Variants in MED23 observed in about 807,000 individuals in gnomAD.
MED23 encodes mediator complex subunit 23, also known as mediator of RNA polymerase II transcription subunit 23.
A neutral mutation model predicts 163.9 loss-of-function variants in MED23; 105 were observed. That is an observed-to-expected ratio of 0.64 (90% CI 0.55 to 0.75). The LOEUF is 0.75. Among genes scored for constraint, MED23 ranks in the 30% least tolerant of loss-of-function variants. The probability of loss-of-function intolerance (pLI) is 0.00; values close to 1 mark genes in which losing one functional copy is unlikely to be tolerated. For synonymous variants in MED23, 561 were observed against 565.6 expected, an observed-to-expected ratio of 0.99 and a Z score of 0.12; for missense variants, 1,054 against 1,649.0, an observed-to-expected ratio of 0.64 and a Z score of 6.25.
Position 131,610,238 on chromosome 6 carries a change from C to A in MED23, c.885G>T (p.Gln295His). ...ACTGGTCCTCCAGCACAGGGCAGCG[C>A]TGCTTGTGCTGTAGGGCAGAGATTA... is the stretch of plus-strand genomic sequence containing the variant. ...NMLGLNKQHK[Q>H]RCPVLEDQLV... Residue 295 changes from glutamine to histidine, a missense_variant, in exon 11 of 29, where the codon CAG (glutamine) becomes CAT (histidine). Transcript: ENST00000368068. 1 of 1,613,764 alleles carries A rather than the reference C, an allele frequency of 6.2e-7. No homozygotes were observed. The highest frequency in any genetic ancestry group is 8.5e-7 in the Non-Finnish European group (1 of 1,179,808).
chr6:131,591,643 A>G (rs1376018864), intron 25 of MED23, 116 bp from the exon 26 acceptor site: 3 of 811,550 alleles, frequency 3.7e-6, no homozygotes, highest in Non-Finnish European at 6.1e-6. Context: ...CAGCTTCTGC[A>G]CAATACAGCT....
intron 24 of MED23, 28 bp from the exon 25 acceptor site, chr6:131,592,488 A>G: frequency 1.3e-6 from 2 of 1,598,044 alleles, no homozygotes; most frequent in South Asian, 2.2e-5. Flanking sequence ...GAATGTAAGT[A>G]TGAATTTATA....
At chr6:131,625,070 T>C (rs930926844) in intron 3 of MED23, 81 bp from the exon 4 acceptor site, 1 of 1,412,132 alleles carries the variant, frequency 7.1e-7, no homozygotes, top group Admixed American at 1.7e-5. Context: ...ACTGGAAGTA[T>C]ACCAATACTA....
At chr6:131,627,573 C>T in intron 2 of MED23, 68 bp downstream of exon 2, 1 of 1,597,058 alleles carries the variant, frequency 6.3e-7, no homozygotes, top group Non-Finnish European at 8.6e-7. Context: ...CCTTCCAACA[C>T]GAAACTAAGT....
chr6:131,607,979 A>G lies in MED23; in HGVS notation c.1170T>C (p.Ala390=). The G allele has an allele frequency of 6.2e-7, 1 of 1,613,938 alleles. No individual in the cohort carries two copies. Among genetic ancestry groups the G allele is most frequent in the Non-Finnish European group, 8.5e-7 (1 of 1,179,902 alleles). ...ISGSIQKNAL[A]DFLPVMKLFD... ...AGAGCTTCATCACAGGGAGAAAATC[A>G]GCTAGTGCATTTTTCTGAATACTTC... The change falls in exon 12 of 29, where the codon GCT becomes GCC. Residue 390 remains alanine, a synonymous_variant. Coordinates refer to ENST00000368068, the MANE Select transcript of MED23 (RefSeq NM_004830.4).
In MED23 at chr6:131,581,212, C is replaced by T. The variant is rs537503803; in HGVS notation, c.4095+6497G>A. 2.5e-6 allele frequency: 4 copies of T among 1,613,704 alleles called. No individual in the cohort carries two copies. In the African/African-American group the frequency reaches 5.3e-5, roughly 22 times the overall value. ...CTGATGTTCACACAAAATTTTTTCC[C>T]CAAAAGTTTGGCAATTGGAAGCATC... is the stretch of plus-strand genomic sequence containing the variant. On this transcript the variant is annotated intron_variant, in intron 30 of 30. Coordinates refer to the MED23 transcript ENST00000354577.
Position 131,605,430 on chromosome 6 carries a change from C to A in MED23, c.1423G>T (p.Ala475Ser). Residue 475 changes from alanine to serine, a missense_variant, in exon 14 of 29, where the codon GCT (alanine) becomes TCT (serine). By Grantham distance (99) the Ala-to-Ser change is moderately conservative. Around this residue, in one of 11 missense-constraint regions of MED23, gnomAD observed 39 missense variants for 50.5 expected, o/e 0.77. Coordinates refer to ENST00000368068, the MANE Select transcript of MED23 (RefSeq NM_004830.4). Reference protein sequence around the residue: ...KSLQMNDYKIALLCNAYSTNS... With the variant: ...KSLQMNDYKISLLCNAYSTNS... ...GTAGAGTATGCATTACACAATAGAG[C>A]AATCTTATAGTCATTCATCTGTAAA... 1 of 1,611,246 alleles carries A rather than the reference C, an allele frequency of 6.2e-7. No individual in the cohort carries two copies. Among genetic ancestry groups the A allele is most frequent in the Non-Finnish European group, 8.5e-7 (1 of 1,177,980 alleles).
At chr6:131,619,634 T>A (rs1232808518) in intron 8 of MED23, among the ~76,000 whole-genome samples, 193 bp downstream of exon 8, 1 of 151,932 alleles carries the variant, frequency 6.6e-6, no homozygotes, top group East Asian at 1.9e-4. Context: ...TTCCAGAGAG[T>A]TTCTTTTTCC....
At position 131,627,688 on chromosome 6, in the gene MED23, A is replaced by AAC. The variant is rs749252956; in HGVS notation, c.40-17_40-16insGT. 27 of 1,601,518 alleles carry AAC rather than the reference A, an allele frequency of 1.7e-5. No individual in the cohort carries two copies. In the South Asian group the frequency reaches 2.7e-4, roughly 16 times the overall value. ...CTTCCGTTTTCTGTAAAAAAAAAAA[A>AAC]AACAAAATGTAAACAATGTTAATTT... is the stretch of plus-strand genomic sequence containing the variant. On this transcript the variant is annotated splice_polypyrimidine_tract_variant and intron_variant, in intron 1 of 28. Coordinates refer to ENST00000368068, the MANE Select transcript of MED23 (RefSeq NM_004830.4).
downstream of MED23, among the ~76,000 whole-genome samples, chr6:131,585,418 C>G (rs1006169751): frequency 2.0e-5 from 3 of 152,196 alleles, no homozygotes; most frequent in Non-Finnish European, 1.5e-5. Flanking sequence ...AATTTAAAAA[C>G]TGTTTCCTCT....
intron 30 of MED23, among the ~76,000 whole-genome samples, chr6:131,580,218 T>C (rs1344794628): frequency 6.6e-6 from 1 of 152,196 alleles, no homozygotes; most frequent in Non-Finnish European, 1.5e-5. Context: ...GGCTTCCTCT[T>C]CTAAAGCCAA....
intron 30 of MED23, among the ~76,000 whole-genome samples, chr6:131,578,349 A>G (rs1773732514): frequency 6.6e-6 from 1 of 152,180 alleles, no homozygotes. Context: ...TGTAACAAAT[A>G]CCATATTTAA....
chr6:131,606,420 G>GT (rs1775860962), intron 13 of MED23, 59 bp downstream of exon 13: 3 of 1,564,116 alleles, frequency 1.9e-6, no homozygotes, highest in Non-Finnish European at 2.6e-6. Context: ...ACCAATATTA[G>GT]TCTACAATCC....
In MED23 at chr6:131,594,223, A is replaced by T. The variant is rs1774869489; in HGVS notation, c.3108T>A (p.Asp1036Glu). ...TTAGACACCAGCCCTGCGGTCGATT[A>T]TCCTTCAGAGAGCCAATGATCGCAT... Reference protein sequence around the residue: ...LVHAIIGSLKDNRPQGWCLSD... With the variant: ...LVHAIIGSLKENRPQGWCLSD... The change falls in exon 23 of 29, where the codon GAT becomes GAA. Residue 1036 changes from aspartate (D) to glutamate (E), a missense_variant. Physicochemically the swap from Asp to Glu is conservative, Grantham distance 45. Coordinates refer to ENST00000368068, the MANE Select transcript of MED23 (RefSeq NM_004830.4). 1 of 1,614,084 alleles carries T rather than the reference A, an allele frequency of 6.2e-7. No homozygotes were observed. Among genetic ancestry groups the T allele is most frequent in the Non-Finnish European group, 8.5e-7 (1 of 1,180,042 alleles).
At chr6:131,586,183 A>G (rs201351570), downstream of MED23, among the ~76,000 whole-genome samples, 3 of 152,088 alleles carry the variant, frequency 2.0e-5, no homozygotes, top group Admixed American at 2.0e-4. Flanking sequence ...TCACGAGGTC[A>G]GGAGATTGAG....
intron 10 of MED23, among the ~76,000 whole-genome samples, chr6:131,611,235 T>A (rs1451833921): frequency 2.0e-5 from 3 of 152,014 alleles, no homozygotes; most frequent in Non-Finnish European, 4.4e-5. Context: ...GGGAAAAAAA[T>A]GCAAAATGGG....
Position 131,612,227 on chromosome 6 carries a change from A to C in MED23, c.877-1981T>G, listed in dbSNP as rs1263038265. Among the ~76,000 whole-genome samples the C allele has an allele frequency of 3.3e-5, 5 of 152,044 alleles. No individual in the cohort carries two copies. The South Asian group carries it at 1.0e-3, about 32-fold the overall frequency. ...TGGTTAAAACCAAGGATATTTCTCA[A>C]ATCAAGTTTAAAGACAGCTTAAATA... is the stretch of plus-strand genomic sequence containing the variant. On this transcript the variant is annotated intron_variant, in intron 10 of 28. Transcript: ENST00000368068.
downstream of MED23, chr6:131,583,930 A>G (rs778359686): frequency 7.4e-6 from 12 of 1,611,166 alleles, no homozygotes; most frequent in Non-Finnish European, 1.0e-5. Flanking sequence ...TCCGATATAA[A>G]TCTCATAGTT....
At position 131,579,231 on chromosome 6, in the gene MED23, T is replaced by C. The variant is rs1311659158; in HGVS notation, c.4096-4936A>G. On this transcript the variant is annotated intron_variant, in intron 30 of 30. Transcript: ENST00000354577. ...GCAAGCGAGCAGCTGGCTGGCAAGG[T>C]GGCAGAAGTCAAGAAGAACGGAAGA... 1.2e-6 allele frequency: 2 copies of C among 1,614,078 alleles called. No individual in the cohort carries two copies. Among genetic ancestry groups the C allele is most frequent in the Admixed American group, 3.3e-5 (2 of 60,004 alleles).
Sources: gnomAD v4.1 joint callset for allele counts (sites outside exome capture counted in the v4.1 genomes callset) on GRCh38, gnomAD v4.1.1 for gene constraint, gnomAD v4.1.1 regional missense constraint, MANE v1.5 for transcripts, NCBI Gene and HGNC (gene_info 2026-07-23, HGNC 2026-07-21) for gene names.